The following TRAK1 variants were observed in gnomAD, a reference collection of about 807,000 sequenced individuals.
TRAK1 encodes the protein trafficking kinesin-binding protein 1.
TRAK1 carries 33 observed loss-of-function variants against 92.1 expected under a neutral mutation model. The ratio of observed to expected loss-of-function variants is 0.36; its 90% confidence interval spans 0.27 to 0.48. The LOEUF is 0.48. Ranked by LOEUF, TRAK1 falls within the 20% of genes least tolerant of loss-of-function variation. The pLI is 0.99. For synonymous variants in TRAK1, 521 were observed against 517.3 expected, an observed-to-expected ratio of 1.01 and a Z score of -0.10; for missense variants, 1,123 against 1,257.9, an observed-to-expected ratio of 0.89 and a Z score of 1.62.
chr3:42,139,246 T>A (rs1191129641), intron 2 of TRAK1, among the ~76,000 whole-genome samples: 1 of 152,190 alleles, frequency 6.6e-6, no homozygotes. Context: ...AGGACCTAAG[T>A]GAGCCCTGAG....
intron 3 of TRAK1, among the ~76,000 whole-genome samples, chr3:42,180,031 C>G (rs936310233): frequency 1.3e-5 from 2 of 152,036 alleles, no homozygotes; most frequent in African/African-American, 4.8e-5. Context: ...TAAGCTGCCA[C>G]GCCCAACCTG....
intron 1 of TRAK1, among the ~76,000 whole-genome samples, chr3:42,045,001 G>T (rs775154132): frequency 3.9e-5 from 6 of 152,036 alleles, no homozygotes; most frequent in Non-Finnish European, 7.4e-5. Context: ...GAAATTGGAT[G>T]TGGCAATTTT....
At chr3:42,149,943 A>G (rs942745608) in intron 2 of TRAK1, among the ~76,000 whole-genome samples, 16 of 152,048 alleles carry the variant, frequency 1.1e-4, no homozygotes, top group Non-Finnish European at 1.9e-4. Context: ...GCAAGTGGAA[A>G]TGTGTTCACT....
At chr3:42,035,051 C>G (rs1165898344) in intron 1 of TRAK1, among the ~76,000 whole-genome samples, 1 of 152,228 alleles carries the variant, frequency 6.6e-6, no homozygotes, top group Non-Finnish European at 1.5e-5. Context: ...TCTCCTTTCC[C>G]TGACCTTCTT....
intron 1 of TRAK1, among the ~76,000 whole-genome samples, chr3:42,019,652 T>G (rs1047875127): frequency 1.4e-4 from 22 of 152,118 alleles, no homozygotes; most frequent in African/African-American, 4.8e-4. Flanking sequence ...GTTTTTAAGT[T>G]TTGCAAAATG....
intron 1 of TRAK1, chr3:42,051,034 A>T (rs1049788822): frequency 1.3e-5 from 2 of 152,112 alleles, no homozygotes; most frequent in African/African-American, 4.8e-5. Flanking sequence ...AAAAATTTTA[A>T]ATTTTATTAT....
chr3:42,189,201 G>A (rs1705323308), intron 6 of TRAK1, 77 bp downstream of exon 6: 13 of 1,087,802 alleles, frequency 1.2e-5, no homozygotes, highest in Non-Finnish European at 1.7e-5. Context: ...GGACAACCAT[G>A]GTTAAGTGCC....
intron 1 of TRAK1, among the ~76,000 whole-genome samples, chr3:42,103,897 G>T (rs553470828): frequency 2.6e-4 from 39 of 152,328 alleles, no homozygotes; most frequent in Non-Finnish European, 4.4e-4. Context: ...AGTGCAAGGG[G>T]TCGGGGAATT....
chr3:42,017,838 T>C (rs1313538229), intron 1 of TRAK1, among the ~76,000 whole-genome samples: 1 of 152,156 alleles, frequency 6.6e-6, no homozygotes, highest in East Asian at 1.9e-4. Flanking sequence ...AATTTTTTTG[T>C]TTTCAAAATT....
chr3:42,173,704 A>G (rs1221925137), intron 2 of TRAK1, among the ~76,000 whole-genome samples: 3 of 152,198 alleles, frequency 2.0e-5, no homozygotes, highest in South Asian at 2.1e-4. Context: ...ATGCAGCCTC[A>G]TTCTCTGTGA....
At chr3:42,085,090 ATTTCAGATTTCAGAT>A (rs554176467), upstream of TRAK1, among the ~76,000 whole-genome samples, 16 of 152,288 alleles carry the variant, frequency 1.1e-4, no homozygotes, top group Non-Finnish European at 1.8e-4. Flanking sequence ...TCATTGGAGC[ATTTCAGATTTCAGAT>A]TTTTGGATTT....
intron 1 of TRAK1, among the ~76,000 whole-genome samples, chr3:42,018,473 AC>A (rs1701611335): frequency 6.6e-6 from 1 of 152,206 alleles, no homozygotes; most frequent in Non-Finnish European, 1.5e-5. Context: ...TGGATTTTGT[AC>A]TAACATCCGA....
At chr3:42,065,161 A>G (rs943176949) in intron 1 of TRAK1, among the ~76,000 whole-genome samples, 2 of 152,190 alleles carry the variant, frequency 1.3e-5, no homozygotes, top group Non-Finnish European at 2.9e-5. Flanking sequence ...CTGAGGCACG[A>G]GAACTGTTTG....
intron 10 of TRAK1, among the ~76,000 whole-genome samples, chr3:42,196,837 C>T (rs952189652): frequency 3.3e-5 from 5 of 152,042 alleles, no homozygotes; most frequent in African/African-American, 1.2e-4. Context: ...CATGAGCCGC[C>T]GCGCCTGGCC....
intron 1 of TRAK1, among the ~76,000 whole-genome samples, chr3:42,110,315 G>T (rs1203013861): frequency 6.6e-6 from 1 of 151,552 alleles, no homozygotes; most frequent in Non-Finnish European, 1.5e-5. Flanking sequence ...GTATGTGTGT[G>T]TGTTGAGGGG....
chr3:42,120,643 G>T (rs531238883), intron 1 of TRAK1, among the ~76,000 whole-genome samples: 8 of 152,240 alleles, frequency 5.3e-5, no homozygotes, highest in African/African-American at 1.9e-4. Flanking sequence ...CGCCTCCCAG[G>T]TTCAAGTGAT....
intron 1 of TRAK1, among the ~76,000 whole-genome samples, chr3:42,023,168 A>AAAC (rs1330993370): frequency 6.6e-6 from 1 of 151,488 alleles, no homozygotes; most frequent in Non-Finnish European, 1.5e-5. Context: ...AAAAAAAAAA[A>AAAC]AAAAAACAAC....
At chr3:42,093,416 C>T (rs1705386275) in intron 1 of TRAK1, among the ~76,000 whole-genome samples, 2 of 151,972 alleles carry the variant, frequency 1.3e-5, no homozygotes, top group Non-Finnish European at 2.9e-5. Context: ...CTTCAGTTCC[C>T]TTATGACTAG....
intron 1 of TRAK1, among the ~76,000 whole-genome samples, chr3:42,069,859 C>CT (rs1295716231): frequency 1.5e-3 from 225 of 148,108 alleles, no homozygotes; most frequent in African/African-American, 5.0e-3. Flanking sequence ...AGTGGAATTG[C>CT]TTTTTTTTTT....
Sources: allele counts gnomAD v4.1 joint callset (sites outside exome capture counted in the v4.1 genomes callset), GRCh38; gene constraint gnomAD v4.1.1; transcripts MANE v1.5; gene names NCBI Gene and HGNC (gene_info 2026-07-23, HGNC 2026-07-21).